SNTG1: variants seen among roughly 807,000 people sequenced by gnomAD.
The protein encoded by SNTG1 is syntrophin gamma 1.
SNTG1 carries 39 observed loss-of-function variants against 74.7 expected under a neutral mutation model. The observed-to-expected ratio is 0.52, with a 90% CI of 0.40 to 0.68. The LOEUF (loss-of-function observed/expected upper bound fraction) is 0.68. SNTG1 is among the 30% of genes least tolerant of loss of function. SNTG1 has a pLI of 0.00. For synonymous variants in SNTG1, 254 were observed against 217.1 expected (o/e 1.17, Z -1.49); for missense variants, 685 against 609.5 (o/e 1.12, Z -1.30).
intron 1 of SNTG1, among the ~76,000 whole-genome samples, chr8:49,926,271 A>G (rs1384600937): frequency 6.6e-6 from 1 of 152,106 alleles, no homozygotes; most frequent in Non-Finnish European, 1.5e-5. Context: ...TTACGAAAAA[A>G]TAAATAGGTT....
chr8:50,675,976 T>C (rs1449905779), intron 15 of SNTG1, among the ~76,000 whole-genome samples: 1 of 152,022 alleles, frequency 6.6e-6, no homozygotes, highest in Non-Finnish European at 1.5e-5. Flanking sequence ...TCTTATGGCT[T>C]GTAGAATTTC....
intron 3 of SNTG1, among the ~76,000 whole-genome samples, chr8:50,401,212 T>C (rs894358474): frequency 6.6e-6 from 1 of 152,176 alleles, no homozygotes; most frequent in African/African-American, 2.4e-5. Context: ...AAGTGGTCAT[T>C]ATTCCTATGG....
intron 13 of SNTG1, among the ~76,000 whole-genome samples, chr8:50,633,062 A>G (rs1311092040): frequency 6.6e-6 from 1 of 152,204 alleles, no homozygotes; most frequent in East Asian, 1.9e-4. Context: ...TTAATCATTA[A>G]TTGGATTTGA....
intron 2 of SNTG1, among the ~76,000 whole-genome samples, chr8:50,360,233 C>T (rs1282163116): frequency 6.6e-6 from 1 of 152,122 alleles, no homozygotes; most frequent in African/African-American, 2.4e-5. Flanking sequence ...CAGTGAATTA[C>T]ATGTACAAAT....
At position 50,484,126 on chromosome 8, in the gene SNTG1, TTCTTTCTTTCC is replaced by T. The variant is rs1468408607; in HGVS notation, c.364-18650_364-18640del. ...TCTCTTTCTTTCTTTCTTTCTTTCTTTCTTTCTTTCCTTCTTTCTTTCTTTCCTTCCTTCCT... is the reference window on the plus strand; with the variant it reads ...TCTCTTTCTTTCTTTCTTTCTTTCTTTTCTTTCTTTCTTTCCTTCCTTCCT... On this transcript the variant is annotated intron_variant, in intron 8 of 18. Transcript: ENST00000642720. Among the ~76,000 whole-genome samples the T allele has an allele frequency of 5.2e-3, 612 of 116,576 alleles. 6 individuals carry two copies. Among genetic ancestry groups the T allele is most frequent in the African/African-American group, 0.019 (583 of 30,980 alleles). The allele number at this position is 116,576 out of a possible 152,430, so 76.5% of individuals were successfully genotyped here.
intron 1 of SNTG1, among the ~76,000 whole-genome samples, chr8:50,166,551 G>A (rs2082620339): frequency 5.8e-5 from 2 of 34,698 alleles, no homozygotes; most frequent in East Asian, 1.3e-3. Context: ...TCAGAGAAAT[G>A]CAAATCAAAA....
At chr8:50,704,870 T>A (rs7003356) in intron 16 of SNTG1, 118 bp downstream of exon 16, 1,116,543 of 1,198,482 alleles carry the variant, frequency 0.93, 520,447 homozygotes, top group East Asian at 1. Context: ...CTTGACCTCA[T>A]ATACATTCTA....
At chr8:49,981,781 C>T (rs1372310689) in intron 1 of SNTG1, among the ~76,000 whole-genome samples, 1 of 151,964 alleles carries the variant, frequency 6.6e-6, no homozygotes, top group African/African-American at 2.4e-5. Context: ...AAATATTTTG[C>T]TTTCAATTAA....
At chr8:50,215,592 AT>A (rs1305505433) in intron 2 of SNTG1, among the ~76,000 whole-genome samples, 1 of 151,290 alleles carries the variant, frequency 6.6e-6, no homozygotes, top group African/African-American at 2.4e-5. Context: ...AATTAGGTTT[AT>A]AACAAAGGTG....
chr8:50,537,723 T>G (rs939041469), intron 11 of SNTG1, among the ~76,000 whole-genome samples: 1 of 152,170 alleles, frequency 6.6e-6, no homozygotes, highest in Non-Finnish European at 1.5e-5. Flanking sequence ...TTGGGAAACT[T>G]TCCTGTAAAG....
chr8:49,975,833 C>T (rs886173454), intron 1 of SNTG1, among the ~76,000 whole-genome samples: 1 of 151,356 alleles, frequency 6.6e-6, no homozygotes, highest in African/African-American at 2.4e-5. Context: ...CAGTTTTTGT[C>T]TTAGAGATAA....
Position 50,314,921 on chromosome 8 carries a change from G to T in SNTG1, c.-27-79291G>T, listed in dbSNP as rs552662353. Among the ~76,000 whole-genome samples, 13 of 149,650 alleles carry T rather than the reference G, an allele frequency of 8.7e-5. 4 individuals are homozygous for T. The South Asian group carries it at 2.7e-3, about 31-fold the overall frequency. ...CTACTAGGTGATCATTACCTTGAGAGCAAGACAATGTGTTACAGTTTTTAC... is the reference window on the plus strand; with the variant it reads ...CTACTAGGTGATCATTACCTTGAGATCAAGACAATGTGTTACAGTTTTTAC... On this transcript the variant is annotated intron_variant, in intron 2 of 18. Coordinates refer to ENST00000642720, the MANE Select transcript of SNTG1 (RefSeq NM_018967.5).
chr8:50,338,112 C>A (rs1039183864), intron 2 of SNTG1, among the ~76,000 whole-genome samples: 4 of 150,586 alleles, frequency 2.7e-5, no homozygotes, highest in East Asian at 3.9e-4. Flanking sequence ...CCAGACTGGG[C>A]GACAGAGCAA....
At chr8:50,226,828 C>T (rs2085353437) in intron 2 of SNTG1, among the ~76,000 whole-genome samples, 1 of 152,074 alleles carries the variant, frequency 6.6e-6, no homozygotes, top group Non-Finnish European at 1.5e-5. Context: ...GTGTCATGGA[C>T]CATGGTCACT....
At chr8:49,961,711 A>G (rs1810698030) in intron 1 of SNTG1, among the ~76,000 whole-genome samples, 1 of 152,218 alleles carries the variant, frequency 6.6e-6, no homozygotes, top group South Asian at 2.1e-4. Context: ...ATTGATTGAA[A>G]GCATCTGCGG....
intron 12 of SNTG1, among the ~76,000 whole-genome samples, chr8:50,586,678 C>T (rs1478920820): frequency 1.4e-5 from 2 of 143,546 alleles, no homozygotes; most frequent in East Asian, 2.1e-4. Flanking sequence ...CACACACACA[C>T]ATTACTGAGG....
chr8:50,477,640 CT>C lies in SNTG1; in HGVS notation c.364-25135del, dbSNP rs553373435. Among the ~76,000 whole-genome samples the C allele has an allele frequency of 4.6e-3, 698 of 152,214 alleles. 5 individuals are homozygous for C. Among genetic ancestry groups the C allele is most frequent in the South Asian group, 0.012 (57 of 4,826 alleles). On this transcript the variant is annotated intron_variant, in intron 8 of 18. Coordinates refer to ENST00000642720, the MANE Select transcript of SNTG1 (RefSeq NM_018967.5). ...TAAGGAAATCTGAATGAGCTATGGA[CT>C]TTGGTTAGTAAGAATGCATGGATAC...
intron 1 of SNTG1, among the ~76,000 whole-genome samples, chr8:50,067,428 G>T (rs1214027832): frequency 6.6e-6 from 1 of 152,100 alleles, no homozygotes; most frequent in African/African-American, 2.4e-5. Flanking sequence ...TAGGCCATAT[G>T]GTTGTTTCAG....
intron 2 of SNTG1, among the ~76,000 whole-genome samples, chr8:50,258,568 GA>G (rs1371058595): frequency 2.0e-5 from 3 of 151,888 alleles, no homozygotes; most frequent in African/African-American, 4.8e-5. Context: ...ATTAACTAGA[GA>G]ATATCAACAA....
Sources: gnomAD v4.1 joint callset for allele counts (sites outside exome capture counted in the v4.1 genomes callset) on GRCh38, gnomAD v4.1.1 for gene constraint, MANE v1.5 for transcripts, NCBI Gene and HGNC (gene_info 2026-07-23, HGNC 2026-07-21) for gene names.